Variants in DHODH observed in about 807,000 individuals in gnomAD.
The protein encoded by DHODH is dihydroorotate dehydrogenase (quinone), also known as dihydroorotate dehydrogenase (quinone), mitochondrial.
DHODH carries 30 observed loss-of-function variants against 39.7 expected under a neutral mutation model. The ratio of observed to expected loss-of-function variants is 0.76; its 90% confidence interval spans 0.57 to 1.02. The LOEUF is 1.02. Among genes scored for constraint, DHODH ranks in the 50% least tolerant of loss-of-function variants. The pLI, the probability that DHODH is intolerant of heterozygous loss-of-function variation, is 0.00. For synonymous variants in DHODH, 222 were observed against 213.8 expected (o/e 1.04, Z -0.34); for missense variants, 531 against 520.8 (o/e 1.02, Z -0.19).
intron 1 of DHODH, chr16:72,009,024 T>G: frequency 2.1e-6 from 3 of 1,427,538 alleles, no homozygotes; most frequent in Non-Finnish European, 2.8e-6. Context: ...TCTGAGTGTC[T>G]GCGCCTGGGC....
rs753231997 is a variant in DHODH at position 72,021,209 on chromosome 16, G to A, written c.603G>A (p.Leu201=). Residue 201 remains leucine, a synonymous_variant, in exon 5 of 9, where the codon CTG becomes CTA. Coordinates refer to ENST00000219240, the MANE Select transcript of DHODH (RefSeq NM_001361.5). ...AEDYAEGVRV[L]GPLADYLVVN... is the part of the protein sequence containing the mutation. ...ACTACGCAGAAGGGGTGCGCGTACT[G>A]GGCCCCCTGGCCGACTACCTGGTGG... 4 of 1,611,510 alleles carry A rather than the reference G, an allele frequency of 2.5e-6. No homozygotes were observed. The highest frequency in any genetic ancestry group is 3.4e-6 in the Non-Finnish European group (4 of 1,179,112).
intron 6 of DHODH, 57 bp from the exon 7 acceptor site, chr16:72,023,108 C>G: frequency 6.2e-7 from 1 of 1,601,710 alleles, no homozygotes; most frequent in South Asian, 1.1e-5. Context: ...TCCAGAGAAG[C>G]GCCTCTGGGT....
intron 3 of DHODH, among the ~76,000 whole-genome samples, chr16:72,015,158 T>TA (rs993097137): frequency 2.6e-5 from 4 of 152,222 alleles, no homozygotes; most frequent in Non-Finnish European, 2.9e-5. Context: ...TACAAGTATT[T>TA]AAAAAAACGT....
Position 72,027,006 on chromosome 16 carries a change from TG to T in DHODH, c.*2808del, listed in dbSNP as rs1254098005. 0.17 allele frequency: 10,540 copies of T among 63,704 alleles called. 674 individuals are homozygous for T. Among genetic ancestry groups the T allele is most frequent in the South Asian group, 0.23 (398 of 1,704 alleles). The allele number at this position is 63,704 out of a possible 1,614,324, so 3.9% of individuals were successfully genotyped here. On this transcript the variant is annotated 3_prime_UTR_variant, in exon 9 of 9. Coordinates refer to ENST00000219240, the MANE Select transcript of DHODH (RefSeq NM_001361.5). The stretch of plus-strand genomic sequence containing the variant: ...GTGTGTGTGTGTGTGTGTGTGTGTG[TG>T]TGTTTTTGAGATGGAGTCCTGCTCT...
At chr16:72,023,718 G>C in intron 8 of DHODH, 85 bp downstream of exon 8, 1 of 1,580,580 alleles carries the variant, frequency 6.3e-7, no homozygotes, top group Non-Finnish European at 8.6e-7. Context: ...CTGTTGATCT[G>C]TTTCTTATTC....
intron 4 of DHODH, among the ~76,000 whole-genome samples, chr16:72,017,770 C>CTTTTTTTGTTTTTTTTTT (rs2041158171): frequency 9.6e-6 from 1 of 103,800 alleles, no homozygotes; most frequent in Non-Finnish European, 1.8e-5. Flanking sequence ...AAACAACATG[C>CTTTTTTTGTTTTTTTTTT]TTTTTTTTTT....
Position 72,017,770 on chromosome 16 carries a change from C to CTTTTTTTTTTTTTTTTTT in DHODH, c.517+665_517+682dup, listed in dbSNP as rs71153696. Among the ~76,000 whole-genome samples, 85 of 103,802 alleles carry CTTTTTTTTTTTTTTTTTT rather than the reference C, an allele frequency of 8.2e-4. 9 individuals are homozygous for CTTTTTTTTTTTTTTTTTT. The highest frequency in any genetic ancestry group is 1.9e-3 in the African/African-American group (43 of 22,706). 68.1% of individuals were successfully genotyped at this position (103,802 alleles called of 152,430 possible). Reference sequence around the variant, plus strand: ...CTCTAAAAAAACCAAAAACAACATGCTTTTTTTTTTTTTTTTTTGAGACGG... The same window carrying CTTTTTTTTTTTTTTTTTT: ...CTCTAAAAAAACCAAAAACAACATGCTTTTTTTTTTTTTTTTTTTTTTTTTTTTTTTTTTTTGAGACGG... On this transcript the variant is annotated intron_variant, in intron 4 of 8. Transcript: ENST00000219240.
Position 72,022,494 on chromosome 16 carries a change from G to C in DHODH, c.819+19G>C. On this transcript the variant is annotated intron_variant, in intron 6 of 8. Transcript: ENST00000219240. ...CAAAGAGGTTTGAGTCGGGGCCTGG[G>C]CCCAGGGTGTGCCTCCCATGGTCTG... is the stretch of plus-strand genomic sequence containing the variant. 6.5e-7 allele frequency: 1 copy of C among 1,542,786 alleles called. No homozygotes were observed. Among genetic ancestry groups the C allele is most frequent in the Non-Finnish European group, 8.8e-7 (1 of 1,142,372 alleles).
intron 6 of DHODH, 33 bp from the exon 7 acceptor site, chr16:72,023,132 G>C (rs1451802529): frequency 6.2e-7 from 1 of 1,613,536 alleles, no homozygotes; most frequent in East Asian, 2.2e-5. Flanking sequence ...TCGGTGCTAT[G>C]ACTCATGGCT....
intron 3 of DHODH, 77 bp downstream of exon 3, chr16:72,014,749 T>C (rs2041122479): frequency 2.1e-6 from 3 of 1,434,604 alleles, no homozygotes; most frequent in East Asian, 2.4e-5. Context: ...GATCTGCCTC[T>C]GTTTTTTTTC....
chr16:72,022,223 C>T (rs2041226360), intron 5 of DHODH, 139 bp from the exon 6 acceptor site: 3 of 686,938 alleles, frequency 4.4e-6, no homozygotes, highest in Non-Finnish European at 7.8e-6. Flanking sequence ...CGTCTGAGGG[C>T]TGGCTTTCCT....
At position 72,023,235 on chromosome 16, in the gene DHODH, G is replaced by C. The variant is rs200181357; in HGVS notation, c.890G>C (p.Arg297Pro). The C allele has an allele frequency of 6.2e-7, 1 of 1,614,076 alleles. No homozygotes were observed. The highest frequency in any genetic ancestry group is 1.7e-5 in the Admixed American group (1 of 60,002). The change falls in exon 7 of 9, where the codon CGC (arginine) becomes CCC (proline). Residue 297 changes from arginine to proline, a missense_variant. Physicochemically the swap from Arg to Pro is moderately radical, Grantham distance 103. Coordinates refer to ENST00000219240, the MANE Select transcript of DHODH (RefSeq NM_001361.5). The stretch of plus-strand genomic sequence containing the variant: ...CCTGCGGGCCTCCAGGGTGCCCTGC[G>C]CTCTGAAACAGGAGGGCTGAGTGGG... The part of the protein sequence containing the change: ...SRPAGLQGAL[R>P]SETGGLSGKP...
chr16:72,024,518 G>GCGTTGAAA lies in DHODH; in HGVS notation c.*320_*321insGTTGAAAC, dbSNP rs1374988463. 2.4e-6 allele frequency: 1 copy of GCGTTGAAA among 424,308 alleles called. No individual in the cohort carries two copies. The highest frequency in any genetic ancestry group is 4.4e-6 in the Non-Finnish European group (1 of 226,912). The allele number at this position is 424,308 out of a possible 1,614,324, so 26.3% of individuals were successfully genotyped here. On this transcript the variant is annotated 3_prime_UTR_variant, in exon 9 of 9. Coordinates refer to ENST00000219240, the MANE Select transcript of DHODH (RefSeq NM_001361.5). Reference sequence around the variant, plus strand: ...ATTTAGAACCTGGGTTTCAACGCTAGCCCTTTCTGGTTTGCCATAGGCCCT... The same window carrying GCGTTGAAA: ...ATTTAGAACCTGGGTTTCAACGCTAGCGTTGAAACCCTTTCTGGTTTGCCATAGGCCCT...
At position 72,014,489 on chromosome 16, in the gene DHODH, G is replaced by C; in HGVS notation, c.251G>C (p.Gly84Ala). The change falls in exon 3 of 9, where the codon GGC becomes GCC. Residue 84 changes from glycine to alanine, a missense_variant. By Grantham distance (60) the Gly-to-Ala change is moderately conservative. Transcript: ENST00000219240. Reference protein sequence around the residue: ...DSDMLEVRVLGHKFRNPVGIA... With the variant: ...DSDMLEVRVLAHKFRNPVGIA... ...TCTTCCCAGGAAGTGAGAGTTCTGG[G>C]CCATAAATTCCGAAATCCAGTAGGA... 6.2e-7 allele frequency: 1 copy of C among 1,613,222 alleles called. No individual in the cohort carries two copies. The highest frequency in any genetic ancestry group is 8.5e-7 in the Non-Finnish European group (1 of 1,179,106).
chr16:72,023,526 G>A lies in DHODH; in HGVS notation c.1026G>A (p.Leu342=), dbSNP rs754620316. 48 of 1,614,032 alleles carry A rather than the reference G, an allele frequency of 3.0e-5. No homozygotes were observed. The South Asian group carries it at 5.3e-4, about 18-fold the overall frequency. ...GTGTGAGCAGCGGGCAGGACGCGCT[G>A]GAGAAGATCCGGGCAGGGGCCTCCC... The part of the protein sequence containing the change: ...VGGVSSGQDA[L]EKIRAGASLV... Residue 342 remains leucine (L), a synonymous_variant, in exon 8 of 9, where the codon CTG becomes CTA. Coordinates refer to ENST00000219240, the MANE Select transcript of DHODH (RefSeq NM_001361.5).
intron 1 of DHODH, among the ~76,000 whole-genome samples, chr16:72,010,582 A>C (rs1027805552): frequency 6.6e-6 from 1 of 152,246 alleles, no homozygotes; most frequent in African/African-American, 2.4e-5. Flanking sequence ...TCAGTATTTG[A>C]TGAATGACTG....
rs535006080 is a variant in DHODH, at chr16:72,014,754, T to C, written c.434+82T>C. The C allele has an allele frequency of 4.0e-5, 55 of 1,372,080 alleles. No individual in the cohort carries two copies. The Middle Eastern group carries it at 7.1e-4, about 18-fold the overall frequency. The allele number at this position is 1,372,080 out of a possible 1,614,324, so 85.0% of individuals were successfully genotyped here. ...AGAGATATAAGATCTGCCTCTGTTT[T>C]TTTTCTCTCATACAATGTGGACATT... On this transcript the variant is annotated intron_variant, in intron 3 of 8. Coordinates refer to ENST00000219240, the MANE Select transcript of DHODH (RefSeq NM_001361.5).
At chr16:72,014,435 G>A in intron 2 of DHODH, 38 bp from the exon 3 acceptor site, 1 of 1,583,112 alleles carries the variant, frequency 6.3e-7, no homozygotes, top group Non-Finnish European at 8.7e-7. Flanking sequence ...TACCGGGATA[G>A]CCTTAGCGTG....
chr16:72,008,857 G>C (rs371063686), intron 1 of DHODH, 72 bp downstream of exon 1: 1 of 1,551,242 alleles, frequency 6.4e-7, no homozygotes, highest in African/African-American at 1.4e-5. Flanking sequence ...GAGTCAGGCC[G>C]GGCGAGGCAT....
Sources: gnomAD v4.1 joint callset for allele counts (sites outside exome capture counted in the v4.1 genomes callset) on GRCh38, gnomAD v4.1.1 for gene constraint, MANE v1.5 for transcripts, NCBI Gene and HGNC (gene_info 2026-07-23, HGNC 2026-07-21) for gene names.